The following DGKB variants were observed in gnomAD, a reference collection of about 807,000 sequenced individuals.
DGKB encodes the protein diacylglycerol kinase beta.
In DGKB, 67 loss-of-function variants were observed where a neutral mutation model predicts 114.3. That is an observed-to-expected ratio of 0.59 (90% CI 0.48 to 0.72). The LOEUF is 0.72. DGKB is among the 30% of genes least tolerant of loss of function. The probability of loss-of-function intolerance (pLI) is 0.00; values close to 1 mark genes in which losing one functional copy is unlikely to be tolerated. For synonymous variants in DGKB, 398 were observed against 323.1 expected (o/e 1.23, Z -2.49); for missense variants, 907 against 975.2 (o/e 0.93, Z 0.93).
At chr7:14,529,558 G>A (rs1791215333) in intron 20 of DGKB, among the ~76,000 whole-genome samples, 2 of 151,620 alleles carry the variant, frequency 1.3e-5, no homozygotes, top group African/African-American at 4.8e-5. Flanking sequence ...GATTCTACAT[G>A]AAAAATATAT....
At chr7:14,432,445 A>G (rs567245935) in intron 21 of DGKB, among the ~76,000 whole-genome samples, 2 of 152,274 alleles carry the variant, frequency 1.3e-5, no homozygotes, top group East Asian at 3.9e-4. Flanking sequence ...CTTTCAGGAT[A>G]TACTCCTAAA....
At chr7:14,845,882 G>A (rs957217051) in intron 1 of DGKB, among the ~76,000 whole-genome samples, 3 of 150,138 alleles carry the variant, frequency 2.0e-5, no homozygotes, top group African/African-American at 7.4e-5. Context: ...AGTTGAAAAT[G>A]GGTGGCATTA....
intron 9 of DGKB, among the ~76,000 whole-genome samples, chr7:14,687,541 T>C (rs1585657596): frequency 6.6e-6 from 1 of 152,164 alleles, no homozygotes; most frequent in East Asian, 1.9e-4. Context: ...TTGCTATATT[T>C]TCAAAACTGC....
intron 20 of DGKB, among the ~76,000 whole-genome samples, chr7:14,551,837 T>C (rs531531562): frequency 2.2e-4 from 34 of 152,172 alleles, no homozygotes; most frequent in Middle Eastern, 3.2e-3. Context: ...ACATTTATTA[T>C]GGTTGAAACA....
At chr7:14,739,580 C>T (rs1337502954) in intron 4 of DGKB, among the ~76,000 whole-genome samples, 1 of 152,088 alleles carries the variant, frequency 6.6e-6, no homozygotes, top group African/African-American at 2.4e-5. Context: ...AGACAAGCAC[C>T]CAGATTTAGC....
chr7:14,612,321 G>C (rs1014897143), intron 16 of DGKB, among the ~76,000 whole-genome samples: 2 of 151,542 alleles, frequency 1.3e-5, no homozygotes, highest in African/African-American at 4.8e-5. Context: ...AGGTGCCCAC[G>C]ACCATGCCTC....
intron 20 of DGKB, among the ~76,000 whole-genome samples, chr7:14,520,270 T>C (rs540200514): frequency 6.6e-6 from 1 of 150,740 alleles, no homozygotes; most frequent in African/African-American, 2.4e-5. Flanking sequence ...TCTTATCTTA[T>C]AAAAAAACTA....
At chr7:14,617,039 G>GTTTTA (rs1441777847) in intron 15 of DGKB, among the ~76,000 whole-genome samples, 1 of 151,628 alleles carries the variant, frequency 6.6e-6, no homozygotes, top group African/African-American at 2.4e-5. Flanking sequence ...CATTTAAAGA[G>GTTTTA]CATGATTTTA....
chr7:14,563,484 A>G (rs1324422089), intron 20 of DGKB, among the ~76,000 whole-genome samples: 1 of 151,886 alleles, frequency 6.6e-6, no homozygotes, highest in African/African-American at 2.4e-5. Flanking sequence ...TAGTTCAATT[A>G]TTGTTTTCTT....
chr7:14,757,598 G>T, intron 3 of DGKB, 57 bp downstream of exon 3: 1 of 991,858 alleles, frequency 1.0e-6, no homozygotes, highest in Non-Finnish European at 1.6e-6. Context: ...TGTTTATTAA[G>T]AAATACCCTC....
At chr7:14,800,974 G>A (rs1447551113) in intron 2 of DGKB, among the ~76,000 whole-genome samples, 2 of 152,150 alleles carry the variant, frequency 1.3e-5, no homozygotes, top group Admixed American at 6.6e-5. Context: ...GAAGAAGGTA[G>A]CTATAAACAC....
chr7:14,473,265 G>A (rs1255571311), intron 21 of DGKB, among the ~76,000 whole-genome samples: 2 of 152,184 alleles, frequency 1.3e-5, no homozygotes, highest in Non-Finnish European at 2.9e-5. Flanking sequence ...ATCCATGGCT[G>A]AAAGGGGCCA....
chr7:14,916,575 T>C (rs563194072), intron 1 of DGKB, among the ~76,000 whole-genome samples: 26 of 152,194 alleles, frequency 1.7e-4, no homozygotes, highest in South Asian at 8.3e-4. Context: ...AAGGATGAAG[T>C]TGACAATTCC....
chr7:14,584,283 T>A (rs1800390548), intron 17 of DGKB, among the ~76,000 whole-genome samples: 1 of 152,224 alleles, frequency 6.6e-6, no homozygotes, highest in South Asian at 2.1e-4. Context: ...ATTTCCTGTG[T>A]CTCATTACTA....
intron 21 of DGKB, among the ~76,000 whole-genome samples, chr7:14,472,321 G>T (rs1781539150): frequency 6.6e-6 from 1 of 152,162 alleles, no homozygotes; most frequent in Non-Finnish European, 1.5e-5. Flanking sequence ...AGATCGGATA[G>T]TTCTGTAAGG....
chr7:14,284,262 G>C (rs1800463335), intron 23 of DGKB, among the ~76,000 whole-genome samples: 1 of 147,452 alleles, frequency 6.8e-6, no homozygotes, highest in Non-Finnish European at 1.5e-5. Context: ...ATGAAAAAAT[G>C]CTCACCATCA....
At chr7:14,420,420 T>C (rs1458511598) in intron 21 of DGKB, among the ~76,000 whole-genome samples, 1 of 152,012 alleles carries the variant, frequency 6.6e-6, no homozygotes, top group Non-Finnish European at 1.5e-5. Flanking sequence ...TGCTAGAAAA[T>C]CACATTTAGA....
rs554861321 is a variant in DGKB at position 14,329,729 on chromosome 7, G to A, written c.2122+8786C>T. 2.0e-5 allele frequency among the ~76,000 whole-genome samples: 3 copies of A among 152,000 alleles called. No homozygotes were observed. The South Asian group carries it at 6.2e-4, about 32-fold the overall frequency. On this transcript the variant is annotated intron_variant, in intron 23 of 25. Coordinates refer to ENST00000402815, the MANE Select transcript of DGKB (RefSeq NM_001350709.2). The stretch of plus-strand genomic sequence containing the variant: ...CCTCAAAGGGCAAGATCGCTATCAG[G>A]CTTTATATTTAGGAAATTTGTATGG...
chr7:14,613,423 A>T lies in DGKB; in HGVS notation c.1285-10T>A. 1 of 1,508,134 alleles carries T rather than the reference A, an allele frequency of 6.6e-7. No homozygotes were observed. Among genetic ancestry groups the T allele is most frequent in the East Asian group, 2.4e-5 (1 of 41,418 alleles). The allele number at this position is 1,508,134 out of a possible 1,614,324, so 93.4% of individuals were successfully genotyped here. On this transcript the variant is annotated splice_polypyrimidine_tract_variant and intron_variant, in intron 15 of 25. Transcript: ENST00000402815. ...CAGGCACAGGAGTGACCTATAAGAA[A>T]AGTTATATACATGGAAAAATTATTA...
Sources: allele counts gnomAD v4.1 joint callset (sites outside exome capture counted in the v4.1 genomes callset), GRCh38; gene constraint gnomAD v4.1.1; transcripts MANE v1.5; gene names NCBI Gene and HGNC (gene_info 2026-07-23, HGNC 2026-07-21).